TFDP2: variants seen among roughly 807,000 people sequenced by gnomAD.
The protein encoded by TFDP2 is transcription factor Dp-2 (E2F dimerization partner 2).
Under a neutral mutation model 59.3 loss-of-function variants are expected in TFDP2, and 17 were observed. The ratio of observed to expected loss-of-function variants is 0.29; its 90% confidence interval spans 0.20 to 0.43. The LOEUF is 0.43. Among genes scored for constraint, TFDP2 ranks in the 20% least tolerant of loss-of-function variants. TFDP2 has a pLI of 1.00. For missense variants in TFDP2, 391 were observed against 528.8 expected, an observed-to-expected ratio of 0.74 and a Z score of 2.56; for synonymous variants, 180 against 194.7, an observed-to-expected ratio of 0.92 and a Z score of 0.63.
At chr3:141,984,332 T>A (rs776223301) in intron 6 of TFDP2, among the ~76,000 whole-genome samples, 30 of 152,066 alleles carry the variant, frequency 2.0e-4, no homozygotes, top group Non-Finnish European at 3.8e-4. Context: ...AAACCCCGTT[T>A]ACTAAAAATA....
At chr3:141,975,802 T>C (rs1210405921) in intron 7 of TFDP2, among the ~76,000 whole-genome samples, 1 of 152,044 alleles carries the variant, frequency 6.6e-6, no homozygotes, top group African/African-American at 2.4e-5. Flanking sequence ...CTTTTTGATA[T>C]TGGAAGGGAT....
chr3:142,054,540 G>A (rs549560425), intron 3 of TFDP2, among the ~76,000 whole-genome samples: 1 of 152,086 alleles, frequency 6.6e-6, no homozygotes, highest in African/African-American at 2.4e-5. Context: ...TGCTATAGGG[G>A]TTACCGTGTA....
intron 9 of TFDP2, among the ~76,000 whole-genome samples, chr3:141,968,303 A>AAC (rs1938490967): frequency 2.4e-5 from 3 of 124,284 alleles, no homozygotes; most frequent in African/African-American, 1.0e-4. Flanking sequence ...ATAATATATA[A>AAC]TATATATAAC....
At chr3:142,071,039 T>C (rs549182322) in intron 3 of TFDP2, among the ~76,000 whole-genome samples, 1 of 152,094 alleles carries the variant, frequency 6.6e-6, no homozygotes, top group Admixed American at 6.5e-5. Flanking sequence ...GAGAGGAGCA[T>C]ATAGAAAGGC....
At chr3:142,045,612 C>CT (rs10587862) in intron 3 of TFDP2, among the ~76,000 whole-genome samples, 33 of 131,974 alleles carry the variant, frequency 2.5e-4, no homozygotes, top group South Asian at 1.7e-3. Flanking sequence ...TATTATTTGA[C>CT]TTTTTTTTTT....
chr3:142,149,227 G>A lies in TFDP2; in HGVS notation c.-137C>T, dbSNP rs1410620635. On this transcript the variant is annotated 5_prime_UTR_variant, in exon 1 of 13. Coordinates refer to ENST00000489671, the MANE Select transcript of TFDP2 (RefSeq NM_001178139.2). Reference sequence around the variant, plus strand: ...ACTGGCGGCCAAGCGAGGCTGTCGGGCCGAGCCAGGAGCGCGTCTTCGGGC... The same window carrying A: ...ACTGGCGGCCAAGCGAGGCTGTCGGACCGAGCCAGGAGCGCGTCTTCGGGC... 5.0e-6 allele frequency: 2 copies of A among 397,566 alleles called. No homozygotes were observed. The highest frequency in any genetic ancestry group is 8.9e-6 in the Non-Finnish European group (2 of 225,388). The allele number at this position is 397,566 out of a possible 1,614,324, so 24.6% of individuals were successfully genotyped here.
intron 1 of TFDP2, among the ~76,000 whole-genome samples, chr3:142,137,085 T>G (rs575498906): frequency 1.4e-4 from 22 of 152,148 alleles, no homozygotes; most frequent in Non-Finnish European, 2.9e-4. Flanking sequence ...TAGTTCTCTT[T>G]GAAGAGGTCC....
intron 8 of TFDP2, among the ~76,000 whole-genome samples, chr3:141,972,968 G>A (rs1939991795): frequency 6.6e-6 from 1 of 151,406 alleles, no homozygotes; most frequent in South Asian, 2.1e-4. Flanking sequence ...ATATTATATA[G>A]CTTCTGATGA....
chr3:141,985,544 C>T (rs1287417274), intron 6 of TFDP2, among the ~76,000 whole-genome samples: 1 of 113,588 alleles, frequency 8.8e-6, no homozygotes, highest in Non-Finnish European at 1.8e-5. Flanking sequence ...AAAAAAAAAA[C>T]ACCTATTTTT....
At chr3:142,079,310 A>T (rs2060561637) in intron 3 of TFDP2, among the ~76,000 whole-genome samples, 1 of 152,092 alleles carries the variant, frequency 6.6e-6, no homozygotes, top group South Asian at 2.1e-4. Flanking sequence ...CTCAAAAACA[A>T]AAAACAAAAA....
At chr3:141,995,883 CA>C (rs146557075) in intron 4 of TFDP2, among the ~76,000 whole-genome samples, 1,507 of 67,834 alleles carry the variant, frequency 0.022, 13 homozygotes, top group African/African-American at 0.068. Context: ...AACTCCATTT[CA>C]AAAAAAAAAA....
chr3:141,963,910 G>A lies in TFDP2; in HGVS notation c.786C>T (p.Asn262=), dbSNP rs772251678. The A allele has an allele frequency of 6.2e-7, 1 of 1,613,688 alleles. No homozygotes were observed. The highest frequency in any genetic ancestry group is 8.5e-7 in the Non-Finnish European group (1 of 1,179,958). ...VQRNRQNEQQ[N]QGPPALNSTI... is the part of the protein sequence containing the mutation. Reference sequence around the variant, plus strand: ...TAGAGTTCAGAGCCGGCGGGCCCTGGTTTTGCTGCTCATTTTGTCGATTTC... The same window carrying A: ...TAGAGTTCAGAGCCGGCGGGCCCTGATTTTGCTGCTCATTTTGTCGATTTC... The change falls in exon 10 of 13, where the codon AAC becomes AAT. Residue 262 remains asparagine, a synonymous_variant. Coordinates refer to ENST00000489671, the MANE Select transcript of TFDP2 (RefSeq NM_001178139.2).
chr3:142,041,917 AT>A (rs1560076915), intron 3 of TFDP2, among the ~76,000 whole-genome samples: 1 of 152,198 alleles, frequency 6.6e-6, no homozygotes, highest in Non-Finnish European at 1.5e-5. Flanking sequence ...GAAAAAACCC[AT>A]TCTTCCATTA....
chr3:141,959,092 A>G (rs928136099), intron 11 of TFDP2, among the ~76,000 whole-genome samples: 17 of 151,522 alleles, frequency 1.1e-4, no homozygotes, highest in African/African-American at 4.1e-4. Flanking sequence ...AGCTGGGATT[A>G]CAGATATGTG....
At chr3:141,956,805 G>A (rs764197619) in intron 11 of TFDP2, among the ~76,000 whole-genome samples, 1 of 150,576 alleles carries the variant, frequency 6.6e-6, no homozygotes, top group Non-Finnish European at 1.5e-5. Flanking sequence ...CACATCTGTG[G>A]TCCCAGCTAC....
intron 9 of TFDP2, among the ~76,000 whole-genome samples, chr3:141,967,611 A>G (rs961885741): frequency 6.6e-6 from 1 of 151,984 alleles, no homozygotes; most frequent in Non-Finnish European, 1.5e-5. Context: ...ATAAGTTTTA[A>G]GTTTACCAGA....
At chr3:141,959,384 TAG>T (rs1937081483) in intron 11 of TFDP2, among the ~76,000 whole-genome samples, 1 of 152,170 alleles carries the variant, frequency 6.6e-6, no homozygotes, top group South Asian at 2.1e-4. Context: ...GGCTCTAAGC[TAG>T]GTACTGGGAA....
intron 4 of TFDP2, among the ~76,000 whole-genome samples, chr3:141,997,925 T>A (rs1042983277): frequency 6.7e-6 from 1 of 149,856 alleles, no homozygotes; most frequent in Non-Finnish European, 1.5e-5. Flanking sequence ...AGAGAAAAAC[T>A]GGCTATCTTT....
At chr3:141,968,333 A>G (rs1254141196) in intron 9 of TFDP2, among the ~76,000 whole-genome samples, 1 of 127,098 alleles carries the variant, frequency 7.9e-6, no homozygotes, top group Non-Finnish European at 1.6e-5. Context: ...CATATAATAT[A>G]TATAATATAT....
Sources: gnomAD v4.1 joint callset for allele counts (sites outside exome capture counted in the v4.1 genomes callset) on GRCh38, gnomAD v4.1.1 for gene constraint, MANE v1.5 for transcripts, NCBI Gene and HGNC (gene_info 2026-07-23, HGNC 2026-07-21) for gene names.